The following NRG1 variants were observed in gnomAD, a reference collection of about 807,000 sequenced individuals.
NRG1 encodes the protein neuregulin 1.
In NRG1, 18 loss-of-function variants were observed where a neutral mutation model predicts 63.8. The observed-to-expected ratio is 0.28, with a 90% CI of 0.19 to 0.42. NRG1 has a LOEUF of 0.42. Ranked by LOEUF, NRG1 falls within the 10% of genes least tolerant of loss-of-function variation. NRG1 has a pLI of 1.00. For missense variants in NRG1, 762 were observed against 814.7 expected (o/e 0.94, Z 0.79); for synonymous variants, 302 against 301.3 (o/e 1.00, Z -0.02).
At chr8:32,560,321 C>T (rs1172173414) in intron 1 of NRG1, among the ~76,000 whole-genome samples, 2 of 152,036 alleles carry the variant, frequency 1.3e-5, no homozygotes, top group African/African-American at 4.8e-5. Flanking sequence ...CCATTGTCCT[C>T]AGCCAGAAGA....
chr8:32,307,957 A>G (rs960700695), intron 1 of NRG1, among the ~76,000 whole-genome samples: 1 of 152,128 alleles, frequency 6.6e-6, no homozygotes, highest in Non-Finnish European at 1.5e-5. Flanking sequence ...TCATAGATAG[A>G]TGAGGGTTAT....
intron 5 of NRG1, among the ~76,000 whole-genome samples, chr8:32,656,129 T>A (rs748789945): frequency 6.6e-6 from 1 of 152,186 alleles, no homozygotes; most frequent in Non-Finnish European, 1.5e-5. Context: ...CATCTATGTG[T>A]ATCTATGTGT....
chr8:31,786,036 C>G (rs1167158458), intron 1 of NRG1, among the ~76,000 whole-genome samples: 2 of 152,098 alleles, frequency 1.3e-5, no homozygotes, highest in Non-Finnish European at 2.9e-5. Context: ...AACAAGAAAT[C>G]ACAAAGCTTT....
chr8:31,935,505 G>A (rs181523434), intron 1 of NRG1, among the ~76,000 whole-genome samples: 68 of 152,228 alleles, frequency 4.5e-4, no homozygotes, highest in Middle Eastern at 3.4e-3. Context: ...TGGTCCTCCC[G>A]CCTCAGCCTC....
intron 1 of NRG1, among the ~76,000 whole-genome samples, chr8:32,396,364 G>T (rs115094300): frequency 0.011 from 1,673 of 152,168 alleles, 34 homozygotes; most frequent in African/African-American, 0.038. Context: ...AACTTATTTT[G>T]GTTCTTTAAA....
At chr8:32,670,277 G>A (rs897001785) in intron 5 of NRG1, among the ~76,000 whole-genome samples, 2 of 152,092 alleles carry the variant, frequency 1.3e-5, no homozygotes, top group African/African-American at 2.4e-5. Flanking sequence ...AGGACAAATC[G>A]CATTCCAGTT....
At chr8:32,386,311 T>C (rs1365178050) in intron 1 of NRG1, among the ~76,000 whole-genome samples, 1 of 152,210 alleles carries the variant, frequency 6.6e-6, no homozygotes, top group East Asian at 1.9e-4. Context: ...ATTAAAGTTT[T>C]ATGCAAAGAG....
chr8:32,683,488 A>G (rs1809259027), intron 5 of NRG1, among the ~76,000 whole-genome samples: 1 of 152,190 alleles, frequency 6.6e-6, no homozygotes, highest in Non-Finnish European at 1.5e-5. Context: ...ACTTTTCGGC[A>G]TAGTAGCTTT....
At chr8:31,937,028 G>C (rs1801015040) in intron 1 of NRG1, among the ~76,000 whole-genome samples, 1 of 152,186 alleles carries the variant, frequency 6.6e-6, no homozygotes, top group Non-Finnish European at 1.5e-5. Context: ...GTTGTGGTCA[G>C]TCATTTTCAA....
chr8:32,377,231 T>C (rs1809745439), intron 1 of NRG1, among the ~76,000 whole-genome samples: 1 of 152,238 alleles, frequency 6.6e-6, no homozygotes, highest in Non-Finnish European at 1.5e-5. Context: ...TTGACAGCTT[T>C]CTTCATGTGT....
chr8:32,599,159 C>T (rs1433727467), intron 2 of NRG1, among the ~76,000 whole-genome samples: 1 of 152,002 alleles, frequency 6.6e-6, no homozygotes, highest in Non-Finnish European at 1.5e-5. Context: ...TTTTCAGATG[C>T]ATTTATATAT....
intron 1 of NRG1, among the ~76,000 whole-genome samples, chr8:32,014,366 A>G (rs556218658): frequency 2.0e-5 from 3 of 152,160 alleles, no homozygotes; most frequent in East Asian, 3.9e-4. Context: ...TCTTATTGGT[A>G]TATAGGAATG....
At chr8:31,742,058 T>G (rs1815332527) in intron 1 of NRG1, among the ~76,000 whole-genome samples, 1 of 151,976 alleles carries the variant, frequency 6.6e-6, no homozygotes, top group African/African-American at 2.4e-5. Context: ...CTGGATGAAT[T>G]TCAAAACCAA....
intron 1 of NRG1, among the ~76,000 whole-genome samples, chr8:32,356,714 A>G (rs562515819): frequency 1.8e-4 from 28 of 152,264 alleles, no homozygotes; most frequent in African/African-American, 6.7e-4. Flanking sequence ...CCATCATGGA[A>G]TTGGGAGATA....
intron 5 of NRG1, among the ~76,000 whole-genome samples, chr8:32,635,537 C>T (rs1851169086): frequency 6.6e-6 from 1 of 151,346 alleles, no homozygotes; most frequent in Non-Finnish European, 1.5e-5. Context: ...GCATTTAGCC[C>T]TGATTTTTTT....
intron 1 of NRG1, among the ~76,000 whole-genome samples, chr8:32,152,666 A>AT (rs1275773033): frequency 2.0e-5 from 3 of 152,208 alleles, no homozygotes; most frequent in African/African-American, 4.8e-5. Flanking sequence ...TTTTAAGTGA[A>AT]TTTTTTGTAA....
intron 1 of NRG1, among the ~76,000 whole-genome samples, chr8:31,906,218 G>A (rs997654445): frequency 1.3e-5 from 2 of 152,170 alleles, no homozygotes; most frequent in African/African-American, 4.8e-5. Context: ...CTGTGTGGCT[G>A]TTGTCAGGAA....
chr8:32,471,596 A>C (rs923276907), intron 1 of NRG1, among the ~76,000 whole-genome samples: 5 of 152,194 alleles, frequency 3.3e-5, no homozygotes, highest in African/African-American at 1.2e-4. Flanking sequence ...GACAATAAAC[A>C]TATTAAACAA....
At chr8:31,778,565 A>T (rs1286393094) in intron 1 of NRG1, among the ~76,000 whole-genome samples, 1 of 152,238 alleles carries the variant, frequency 6.6e-6, no homozygotes, top group Non-Finnish European at 1.5e-5. Flanking sequence ...AAATGCTGGT[A>T]AGTTGAATTA....
Sources: gnomAD v4.1 joint callset for allele counts (sites outside exome capture counted in the v4.1 genomes callset) on GRCh38, gnomAD v4.1.1 for gene constraint, MANE v1.5 for transcripts, NCBI Gene and HGNC (gene_info 2026-07-23, HGNC 2026-07-21) for gene names.